Variants in FBXL17 observed in about 807,000 individuals in gnomAD.
The protein encoded by FBXL17 is F-box/LRR-repeat protein 17.
Under a neutral mutation model 66.2 loss-of-function variants are expected in FBXL17, and 22 were observed. That is an observed-to-expected ratio of 0.33 (90% confidence interval 0.24 to 0.47). The LOEUF (loss-of-function observed/expected upper bound fraction) is 0.47. Among genes scored for constraint, FBXL17 ranks in the 20% least tolerant of loss-of-function variants. The pLI is 1.00. For synonymous variants in FBXL17, 474 were observed against 400.5 expected (o/e 1.18, Z -2.19); for missense variants, 878 against 948.2 (o/e 0.93, Z 0.97).
At chr5:108,298,716 A>C in intron 4 of FBXL17, 1 of 760,668 alleles carries the variant, frequency 1.3e-6, no homozygotes, top group Non-Finnish European at 1.6e-6. Context: ...TCAAAGTCTT[A>C]TAATTCCTAA....
At chr5:107,875,551 A>G (rs921189974) in intron 8 of FBXL17, among the ~76,000 whole-genome samples, 1 of 152,182 alleles carries the variant, frequency 6.6e-6, no homozygotes, top group African/African-American at 2.4e-5. Context: ...TCAGGTGGTA[A>G]AGCAGACTCC....
At chr5:108,317,885 CAAAT>C (rs1317517888) in intron 4 of FBXL17, among the ~76,000 whole-genome samples, 3 of 151,290 alleles carry the variant, frequency 2.0e-5, no homozygotes, top group Admixed American at 6.6e-5. Flanking sequence ...TATGTATCTG[CAAAT>C]AAATAATCAA....
intron 7 of FBXL17, among the ~76,000 whole-genome samples, chr5:107,907,915 T>C (rs929836254): frequency 3.9e-5 from 6 of 152,180 alleles, no homozygotes; most frequent in African/African-American, 7.2e-5. Flanking sequence ...GAACTAGAAA[T>C]ACCATTTGAC....
At chr5:108,312,241 C>T (rs985705642) in intron 4 of FBXL17, among the ~76,000 whole-genome samples, 1 of 152,082 alleles carries the variant, frequency 6.6e-6, no homozygotes, top group Non-Finnish European at 1.5e-5. Context: ...TCTCTCAACT[C>T]CCATAAAAAA....
chr5:108,146,279 T>C (rs1460491986), intron 6 of FBXL17, among the ~76,000 whole-genome samples: 5 of 151,064 alleles, frequency 3.3e-5, no homozygotes, highest in Non-Finnish European at 7.4e-5. Context: ...GATCTTAGAA[T>C]GTATATTAAT....
intron 4 of FBXL17, among the ~76,000 whole-genome samples, chr5:108,278,658 T>G (rs941972479): frequency 6.6e-6 from 1 of 151,890 alleles, no homozygotes; most frequent in Non-Finnish European, 1.5e-5. Context: ...GCAGGGAAAA[T>G]GGAATGAGCC....
intron 6 of FBXL17, among the ~76,000 whole-genome samples, chr5:108,173,020 C>T (rs574553980): frequency 2.0e-5 from 3 of 151,896 alleles, no homozygotes; most frequent in Non-Finnish European, 4.4e-5. Flanking sequence ...AGGCTGCTCT[C>T]GAACTCCTGA....
intron 7 of FBXL17, among the ~76,000 whole-genome samples, chr5:107,986,775 C>T (rs1753025680): frequency 1.3e-5 from 2 of 151,810 alleles, no homozygotes; most frequent in Admixed American, 1.3e-4. Context: ...AACTGTACAA[C>T]CCTATTTATA....
At chr5:108,377,100 A>G (rs1479586300) in intron 1 of FBXL17, among the ~76,000 whole-genome samples, 2 of 152,192 alleles carry the variant, frequency 1.3e-5, no homozygotes, top group Non-Finnish European at 2.9e-5. Context: ...AGCTATGTAC[A>G]TGCCAAAGAT....
chr5:108,065,953 T>G (rs1748101368), intron 6 of FBXL17, among the ~76,000 whole-genome samples: 1 of 152,022 alleles, frequency 6.6e-6, no homozygotes. Context: ...CCCCCAAAAC[T>G]AATGGTACAT....
intron 6 of FBXL17, among the ~76,000 whole-genome samples, chr5:108,090,305 C>G (rs1162992673): frequency 6.6e-6 from 1 of 152,190 alleles, no homozygotes; most frequent in Non-Finnish European, 1.5e-5. Context: ...CATTCACCCT[C>G]AGTCTTCCAC....
intron 6 of FBXL17, among the ~76,000 whole-genome samples, chr5:108,184,309 G>GT (rs542214525): frequency 6.7e-4 from 102 of 151,818 alleles, no homozygotes; most frequent in African/African-American, 2.4e-3. Context: ...TTGTTTTTTC[G>GT]TTTTTTTGTT....
intron 4 of FBXL17, among the ~76,000 whole-genome samples, chr5:108,234,915 A>T (rs889783815): frequency 1.3e-5 from 2 of 152,326 alleles, no homozygotes; most frequent in East Asian, 3.9e-4. Context: ...CTCTTCTATA[A>T]ATTTCAAGAT....
At chr5:108,179,714 T>C (rs964471572) in intron 6 of FBXL17, among the ~76,000 whole-genome samples, 1 of 152,218 alleles carries the variant, frequency 6.6e-6, no homozygotes, top group Non-Finnish European at 1.5e-5. Context: ...AGGTTTTAAC[T>C]TATTTTAAGC....
intron 6 of FBXL17, among the ~76,000 whole-genome samples, chr5:108,174,918 T>C (rs1412067542): frequency 6.6e-6 from 1 of 152,146 alleles, no homozygotes; most frequent in African/African-American, 2.4e-5. Flanking sequence ...GGAATTCTAT[T>C]CCTTGTTCAA....
intron 7 of FBXL17, among the ~76,000 whole-genome samples, chr5:107,914,992 G>C (rs1375299183): frequency 6.6e-6 from 1 of 152,002 alleles, no homozygotes; most frequent in African/African-American, 2.4e-5. Flanking sequence ...TTTAGTTAAT[G>C]GTTTTAAAAA....
chr5:108,012,622 A>G (rs1453551615), intron 7 of FBXL17, among the ~76,000 whole-genome samples: 1 of 152,224 alleles, frequency 6.6e-6, no homozygotes, highest in Non-Finnish European at 1.5e-5. Flanking sequence ...TATGCAAGAC[A>G]CTGACTTAAT....
intron 7 of FBXL17, among the ~76,000 whole-genome samples, chr5:107,994,636 A>G (rs889947827): frequency 7.2e-4 from 109 of 152,022 alleles, no homozygotes; most frequent in Admixed American, 8.5e-4. Context: ...TCAGGAGTTC[A>G]AGACCAGCCT....
chr5:107,868,348 A>G (rs1748343751), intron 8 of FBXL17, among the ~76,000 whole-genome samples: 1 of 152,216 alleles, frequency 6.6e-6, no homozygotes, highest in Admixed American at 6.5e-5. Flanking sequence ...TACATTTCAA[A>G]GTCCTTGATA....
Sources: allele counts gnomAD v4.1 joint callset (sites outside exome capture counted in the v4.1 genomes callset), GRCh38; gene constraint gnomAD v4.1.1; transcripts MANE v1.5; gene names NCBI Gene and HGNC (gene_info 2026-07-23, HGNC 2026-07-21).